MAP3K13: variants seen among roughly 807,000 people sequenced by gnomAD.
MAP3K13 encodes leucine zipper-bearing kinase.
A neutral mutation model predicts 104.0 loss-of-function variants in MAP3K13; 52 were observed. The ratio of observed to expected loss-of-function variants is 0.50; its 90% CI spans 0.40 to 0.63. The LOEUF is 0.63. MAP3K13 is among the 20% of genes least tolerant of loss of function. The probability of loss-of-function intolerance (pLI) is 0.00; values close to 1 mark genes in which losing one functional copy is unlikely to be tolerated. For missense variants in MAP3K13, 914 were observed against 1,218.5 expected (o/e 0.75, Z 3.72); for synonymous variants, 394 against 442.2 (o/e 0.89, Z 1.37).
At chr3:185,478,807 G>C (rs1718279626) in intron 12 of MAP3K13, among the ~76,000 whole-genome samples, 1 of 151,774 alleles carries the variant, frequency 6.6e-6, no homozygotes, top group Non-Finnish European at 1.5e-5. Flanking sequence ...AGGAGGCACA[G>C]GTTGCAATGA....
chr3:185,335,789 A>T (rs1336615661), intron 2 of MAP3K13, among the ~76,000 whole-genome samples: 1 of 152,184 alleles, frequency 6.6e-6, no homozygotes, highest in Non-Finnish European at 1.5e-5. Flanking sequence ...TTCAGTACAG[A>T]TGCAATTTTT....
In MAP3K13 at chr3:185,393,008, C is replaced by T. The variant is rs190607409; in HGVS notation, c.-86+29640C>T. ...TGGAGGTTGCAGTGAGCCGAGATCACGCCACTGCACTCCAGCCTGGGTGAT... is the reference window on the plus strand; with the variant it reads ...TGGAGGTTGCAGTGAGCCGAGATCATGCCACTGCACTCCAGCCTGGGTGAT... On this transcript the variant is annotated intron_variant, in intron 1 of 13. Transcript: ENST00000265026. Among the ~76,000 whole-genome samples, 544 of 152,000 alleles carry T rather than the reference C, an allele frequency of 3.6e-3. 6 individuals are homozygous for T. Among genetic ancestry groups the T allele is most frequent in the Middle Eastern group, 0.021 (6 of 292 alleles).
At chr3:185,436,447 G>T (rs1318209581) in intron 2 of MAP3K13, among the ~76,000 whole-genome samples, 1 of 152,076 alleles carries the variant, frequency 6.6e-6, no homozygotes, top group Non-Finnish European at 1.5e-5. Context: ...CGTAAAATTG[G>T]CCAATCCTGG....
chr3:185,330,033 C>T (rs1469207320), intron 2 of MAP3K13, among the ~76,000 whole-genome samples: 1 of 144,450 alleles, frequency 6.9e-6, no homozygotes, highest in African/African-American at 2.6e-5. Flanking sequence ...GCGCCCGCCA[C>T]CATGCCTGGC....
At chr3:185,410,092 G>A (rs1713345687) in intron 1 of MAP3K13, among the ~76,000 whole-genome samples, 1 of 152,200 alleles carries the variant, frequency 6.6e-6, no homozygotes, top group African/African-American at 2.4e-5. Context: ...CTGACCTGAT[G>A]GGAGGCAGAG....
intron 2 of MAP3K13, among the ~76,000 whole-genome samples, chr3:185,434,398 G>A (rs1714909856): frequency 6.6e-6 from 1 of 152,158 alleles, no homozygotes. Flanking sequence ...AACACTTACT[G>A]CCAACATGTT....
chr3:185,475,735 C>A (rs1366641871), intron 11 of MAP3K13, among the ~76,000 whole-genome samples: 1 of 152,096 alleles, frequency 6.6e-6, no homozygotes, highest in African/African-American at 2.4e-5. Flanking sequence ...CCTGTAATCC[C>A]AGGTACTCGG....
chr3:185,437,569 C>G lies in MAP3K13; in HGVS notation c.598C>G (p.Gln200Glu), dbSNP rs779449297. The G allele has an allele frequency of 1.9e-6, 3 of 1,613,486 alleles. No homozygotes were observed. The East Asian group carries it at 6.7e-5, about 36-fold the overall frequency. ...EEVAIKKVRE[Q>E]NETDIKHLRK... is the part of the protein sequence containing the mutation. Reference sequence around the variant, plus strand: ...GGTGGCCATCAAGAAAGTGAGAGAACAGAATGAGACGGATATCAAGCATTT... The same window carrying G: ...GGTGGCCATCAAGAAAGTGAGAGAAGAGAATGAGACGGATATCAAGCATTT... The change falls in exon 3 of 14, where the codon CAG becomes GAG. Residue 200 changes from glutamine to glutamate, a missense_variant. Transcript: ENST00000265026.
chr3:185,470,888 T>C (rs1027059589), intron 10 of MAP3K13, among the ~76,000 whole-genome samples: 1 of 152,224 alleles, frequency 6.6e-6, no homozygotes, highest in Admixed American at 6.5e-5. Context: ...TAAGTGATGA[T>C]ATCAGCCATT....
chr3:185,288,148 T>C (rs962812872), intron 2 of MAP3K13, among the ~76,000 whole-genome samples: 2 of 152,178 alleles, frequency 1.3e-5, no homozygotes, highest in Non-Finnish European at 2.9e-5. Context: ...GACTCCTTAT[T>C]CTTGCTAAGT....
rs753739465 is a variant in MAP3K13, at chr3:185,482,038, C to T, written c.2800-317C>T. ...GGCGGAGGTTGCAGCGAGCCAAGAT[C>T]GTGCCACTGCACTCCAGCCTGGGCG... On this transcript the variant is annotated intron_variant, in intron 13 of 13. Transcript: ENST00000265026. The surrounding 1 kb of genome is among the most constrained non-coding windows in gnomAD (Gnocchi z 4.5). 3.3e-5 allele frequency among the ~76,000 whole-genome samples: 5 copies of T among 152,230 alleles called. No individual in the cohort carries two copies. Among genetic ancestry groups the T allele is most frequent in the African/African-American group, 7.2e-5 (3 of 41,474 alleles).
rs1054038401 is a variant in MAP3K13 at position 185,423,221 on chromosome 3, C to T, written c.-85-5276C>T. Among the ~76,000 whole-genome samples the T allele has an allele frequency of 3.9e-5, 6 of 152,186 alleles. No individual in the cohort carries two copies. Among genetic ancestry groups the T allele is most frequent in the Admixed American group, 1.3e-4 (2 of 15,274 alleles). ...AATACATGTAATGCACTTGAACCATCTTGAAACCATCCCCCCTGCCTGGTC... is the reference window on the plus strand; with the variant it reads ...AATACATGTAATGCACTTGAACCATTTTGAAACCATCCCCCCTGCCTGGTC... On this transcript the variant is annotated intron_variant, in intron 1 of 13. Coordinates refer to ENST00000265026, the MANE Select transcript of MAP3K13 (RefSeq NM_004721.5). The surrounding 1 kb of genome is among the most constrained non-coding windows in gnomAD (Gnocchi z 4.1).
Position 185,473,110 on chromosome 3 carries a change from G to T in MAP3K13, c.1779G>T (p.Gly593=). The T allele has an allele frequency of 6.2e-7, 1 of 1,614,124 alleles. No individual in the cohort carries two copies. Among genetic ancestry groups the T allele is most frequent in the Non-Finnish European group, 8.5e-7 (1 of 1,180,022 alleles). The change falls in exon 11 of 14, where the codon GGG becomes GGT. Residue 593 remains glycine, a synonymous_variant. Transcript: ENST00000265026. This position sits in a 1 kb window ranked among gnomAD's most constrained non-coding sequence, Gnocchi z 4.9. The part of the protein sequence containing the change: ...RYRSKPRHRR[G]NSRGSHSDFA... ...GAAGCAAACCACGCCACCGCCGAGG[G>T]AATAGCAGAGGCAGCCATAGTGACT...
Position 185,465,775 on chromosome 3 carries a change from G to T in MAP3K13, c.1417G>T (p.Glu473Ter). 6.2e-7 allele frequency: 1 copy of T among 1,613,998 alleles called. No homozygotes were observed. Among genetic ancestry groups the T allele is most frequent in the South Asian group, 1.1e-5 (1 of 91,034 alleles). The part of the protein sequence containing the change: ...RHALDIREHY[E>*]RKLERANNLY... ...TGCGCTGGATATTCGTGAACACTAT[G>T]AGCGGAAGCTTGAGCGGGCGAATAA... is the stretch of plus-strand genomic sequence containing the variant. Residue 473 changes from glutamate (E) to a stop codon, truncating the protein, a stop_gained, in exon 9 of 14, where the codon GAG (glutamate) becomes TAG (stop). Transcript: ENST00000265026. LOFTEE classifies it high-confidence loss of function.
At chr3:185,479,089 T>C (rs200523847) in intron 12 of MAP3K13, among the ~76,000 whole-genome samples, 1 of 152,150 alleles carries the variant, frequency 6.6e-6, no homozygotes, top group Non-Finnish European at 1.5e-5. Flanking sequence ...CCAGAAGCGT[T>C]GGCTCATCAG....
intron 2 of MAP3K13, among the ~76,000 whole-genome samples, chr3:185,334,928 AG>A (rs1298457516): frequency 1.3e-5 from 2 of 151,838 alleles, no homozygotes; most frequent in African/African-American, 2.4e-5. Flanking sequence ...ATTTTCTTAT[AG>A]GGGGAAAAAA....
chr3:185,477,679 G>A (rs1718207546), intron 12 of MAP3K13, among the ~76,000 whole-genome samples: 2 of 152,202 alleles, frequency 1.3e-5, no homozygotes, highest in African/African-American at 4.8e-5. Flanking sequence ...TGTGACAGAT[G>A]GCCATGCTGT....
At chr3:185,314,648 C>G (rs1004202903) in intron 2 of MAP3K13, among the ~76,000 whole-genome samples, 2 of 151,726 alleles carry the variant, frequency 1.3e-5, no homozygotes, top group Non-Finnish European at 2.9e-5. Flanking sequence ...AAACAAGATC[C>G]CACTCTGTCA....
At chr3:185,385,342 T>C (rs1711625182) in intron 1 of MAP3K13, among the ~76,000 whole-genome samples, 2 of 152,100 alleles carry the variant, frequency 1.3e-5, no homozygotes, top group African/African-American at 4.8e-5. Context: ...TTGTTGTTGT[T>C]GTTGTTGTTT....
Sources: allele counts gnomAD v4.1 joint callset (sites outside exome capture counted in the v4.1 genomes callset), GRCh38; gene constraint gnomAD v4.1.1; non-coding constraint Gnocchi (gnomAD v3.1); transcripts MANE v1.5; gene names NCBI Gene and HGNC (gene_info 2026-07-23, HGNC 2026-07-21).